GLIS3: variants seen among roughly 807,000 people sequenced by gnomAD.
GLIS3 encodes the protein zinc finger protein GLIS3.
GLIS3 carries 53 observed loss-of-function variants against 78.6 expected under a neutral mutation model. That is an observed-to-expected ratio of 0.67 (90% CI 0.54 to 0.85). The LOEUF is 0.85. Among genes scored for constraint, GLIS3 ranks in the 40% least tolerant of loss-of-function variants. The probability of loss-of-function intolerance (pLI) is 0.00; values close to 1 mark genes in which losing one functional copy is unlikely to be tolerated. For missense variants in GLIS3, 1,703 were observed against 1,231.1 expected (o/e 1.38, Z -5.74); for synonymous variants, 684 against 509.9 (o/e 1.34, Z -4.60).
At chr9:4,404,176 T>C in the GLIS3 span, among the ~76,000 whole-genome samples, 6 of 152,192 alleles carry the variant, frequency 3.9e-5, no homozygotes, top group African/African-American at 1.2e-4. Context: ...GAGGATTCAA[T>C]TGTAAATATA....
In GLIS3 at chr9:3,829,382, C is replaced by G. The variant is rs752470666; in HGVS notation, c.2584G>C (p.Val862Leu). 1.2e-6 allele frequency: 2 copies of G among 1,614,108 alleles called. No individual in the cohort carries two copies. The highest frequency in any genetic ancestry group is 2.2e-5 in the East Asian group (1 of 44,872). Residue 862 changes from valine (V) to leucine (L), a missense_variant, in exon 10 of 11, where the codon GTC becomes CTC. Transcript: ENST00000381971. Reference sequence around the variant, plus strand: ...CTGGCCTGGCCCATGGATGTAGGGACTAGGCAGTCCTCAAACGAAGGCACC... The same window carrying G: ...CTGGCCTGGCCCATGGATGTAGGGAGTAGGCAGTCCTCAAACGAAGGCACC... Reference protein sequence around the residue: ...SVVPSFEDCLVPTSMGQASFD... With the variant: ...SVVPSFEDCLLPTSMGQASFD...
At chr9:4,407,576 G>C in the GLIS3 span, among the ~76,000 whole-genome samples, 4 of 152,222 alleles carry the variant, frequency 2.6e-5, no homozygotes, top group Non-Finnish European at 5.9e-5. Context: ...GAACCCGGGA[G>C]GCGGAGCTTG....
chr9:3,969,823 C>T (rs1447419530), intron 4 of GLIS3, among the ~76,000 whole-genome samples: 1 of 152,170 alleles, frequency 6.6e-6, no homozygotes, highest in African/African-American at 2.4e-5. Context: ...CAATCCAGCA[C>T]CTCTGTCCAG....
At chr9:4,399,266 C>T in the GLIS3 span, among the ~76,000 whole-genome samples, 1 of 152,148 alleles carries the variant, frequency 6.6e-6, no homozygotes, top group East Asian at 1.9e-4. Context: ...GACTATGTAC[C>T]CCATGTATAT....
chr9:4,428,997 T>C, the GLIS3 span, among the ~76,000 whole-genome samples: 2 of 152,124 alleles, frequency 1.3e-5, no homozygotes, highest in Admixed American at 1.3e-4. Context: ...CTCATCCTAG[T>C]TCAAACCACT....
chr9:3,849,149 G>C (rs916483289), intron 9 of GLIS3, among the ~76,000 whole-genome samples: 1 of 146,352 alleles, frequency 6.8e-6, no homozygotes, highest in Admixed American at 6.6e-5. Flanking sequence ...CAAAATAAGA[G>C]CACACAGTGG....
intron 2 of GLIS3, among the ~76,000 whole-genome samples, chr9:4,129,163 T>C (rs1586753124): frequency 6.6e-6 from 1 of 152,184 alleles, no homozygotes; most frequent in Admixed American, 6.5e-5. Context: ...GCCAGAAACA[T>C]AATGAACACC....
intron 9 of GLIS3, among the ~76,000 whole-genome samples, chr9:3,845,909 G>C (rs1471461024): frequency 2.6e-5 from 4 of 152,180 alleles, no homozygotes; most frequent in African/African-American, 4.8e-5. Flanking sequence ...GCAATTTCCA[G>C]CTCCACTGTT....
the GLIS3 span, among the ~76,000 whole-genome samples, chr9:4,363,930 G>A: frequency 6.6e-6 from 1 of 152,170 alleles, no homozygotes; most frequent in Non-Finnish European, 1.5e-5. Context: ...GAGGAAGCAG[G>A]GTGGGACTCC....
intron 2 of GLIS3, among the ~76,000 whole-genome samples, chr9:4,265,154 A>G (rs945322877): frequency 3.4e-5 from 5 of 147,512 alleles, no homozygotes; most frequent in African/African-American, 5.0e-5. Context: ...ACTGGGCAAC[A>G]GAGTGAGACG....
At chr9:4,012,238 G>T (rs1822074163) in intron 4 of GLIS3, among the ~76,000 whole-genome samples, 1 of 152,102 alleles carries the variant, frequency 6.6e-6, no homozygotes, top group Non-Finnish European at 1.5e-5. Context: ...CTCTACAGCA[G>T]GCACCAAAAT....
rs141412126 is a variant in GLIS3 at position 4,159,030 on chromosome 9, G to GAAAAAAAAAAAAA, written c.389-33090_389-33089insTTTTTTTTTTTTT. On this transcript the variant is annotated intron_variant, in intron 2 of 10. Transcript: ENST00000381971. ...GCTTGGTATGCTAGAGAAAGGAGAA[G>GAAAAAAAAAAAAA]AAGAAAAAAAAAAAAAAAAGCCAGG... Among the ~76,000 whole-genome samples, 212 of 78,996 alleles carry GAAAAAAAAAAAAA rather than the reference G, an allele frequency of 2.7e-3. 22 individuals are homozygous for GAAAAAAAAAAAAA. The highest frequency in any genetic ancestry group is 4.3e-3 in the African/African-American group (88 of 20,552). 51.8% of individuals were successfully genotyped at this position (78,996 alleles called of 152,430 possible).
chr9:3,866,640 A>G (rs1202082311), intron 8 of GLIS3, among the ~76,000 whole-genome samples: 1 of 152,194 alleles, frequency 6.6e-6, no homozygotes, highest in East Asian at 1.9e-4. Flanking sequence ...AAGACTAGTG[A>G]GTGTTTTCTA....
chr9:4,402,789 G>A, the GLIS3 span, among the ~76,000 whole-genome samples: 2 of 151,894 alleles, frequency 1.3e-5, no homozygotes, highest in Non-Finnish European at 2.9e-5. Flanking sequence ...GGGAAAGAAA[G>A]ATAAAAAAAC....
At chr9:4,209,651 C>G (rs536106086) in intron 2 of GLIS3, among the ~76,000 whole-genome samples, 5 of 152,290 alleles carry the variant, frequency 3.3e-5, no homozygotes, top group East Asian at 3.9e-4. Flanking sequence ...ACTGCTAGAG[C>G]CTTCATAGAA....
chr9:4,388,181 A>C, the GLIS3 span, among the ~76,000 whole-genome samples: 1 of 152,248 alleles, frequency 6.6e-6, no homozygotes, highest in African/African-American at 2.4e-5. Context: ...AAGTATACCC[A>C]TAAGTGCACA....
intron 2 of GLIS3, among the ~76,000 whole-genome samples, chr9:4,154,300 T>A (rs181871465): frequency 5.5e-4 from 83 of 152,200 alleles, no homozygotes; most frequent in African/African-American, 2.0e-3. Flanking sequence ...AAAGAGAATA[T>A]AGAATGGGAG....
At chr9:4,437,091 T>G in the GLIS3 span, among the ~76,000 whole-genome samples, 1 of 152,090 alleles carries the variant, frequency 6.6e-6, no homozygotes, top group Non-Finnish European at 1.5e-5. Context: ...GGAAATAGGA[T>G]AGAAGAGGAC....
intron 2 of GLIS3, among the ~76,000 whole-genome samples, chr9:4,328,331 T>G (rs903114805): frequency 6.6e-6 from 1 of 152,100 alleles, no homozygotes; most frequent in Non-Finnish European, 1.5e-5. Context: ...GAAGTTCCAG[T>G]TGAACAAAAC....
Sources: gnomAD v4.1 joint callset for allele counts (sites outside exome capture counted in the v4.1 genomes callset) on GRCh38, gnomAD v4.1.1 for gene constraint, MANE v1.5 for transcripts, NCBI Gene and HGNC (gene_info 2026-07-23, HGNC 2026-07-21) for gene names.